The following CCL25 variants were observed in gnomAD, a reference collection of about 807,000 sequenced individuals.
CCL25 encodes the protein C-C motif chemokine ligand 25.
CCL25 carries 14 observed loss-of-function variants against 19.9 expected under a neutral mutation model. The ratio of observed to expected loss-of-function variants is 0.70; its 90% CI spans 0.47 to 1.10. The LOEUF is 1.10. CCL25 is among the 50% of genes least tolerant of loss of function. CCL25 has a pLI of 0.00. For synonymous variants in CCL25, 68 were observed against 73.2 expected (o/e 0.93, Z 0.36); for missense variants, 151 against 181.2 (o/e 0.83, Z 0.96).
At chr19:8,052,431 G>A (rs1236552734), upstream of CCL25, among the ~76,000 whole-genome samples, 1 of 151,898 alleles carries the variant, frequency 6.6e-6, no homozygotes, top group Non-Finnish European at 1.5e-5. Context: ...GCTTGAGGGC[G>A]GGGGGAGCAT....
chr19:8,060,901 C>T (rs929879763), intron 5 of CCL25, among the ~76,000 whole-genome samples: 1 of 151,082 alleles, frequency 6.6e-6, no homozygotes, highest in African/African-American at 2.4e-5. Flanking sequence ...AGGATGGTCT[C>T]GATCTCCTGA....
rs2081323539 is a variant in CCL25, at chr19:8,062,254, C to G, written c.*29C>G. On this transcript the variant is annotated 3_prime_UTR_variant, in exon 6 of 6. Transcript: ENST00000315626. ...GGCTCATTTCTGGGCTCCATCGGCA[C>G]AGGAGGGGCCGGATCTTTCTCCGAT... 1 of 1,612,348 alleles carries G rather than the reference C, an allele frequency of 6.2e-7. No homozygotes were observed. Among genetic ancestry groups the G allele is most frequent in the African/African-American group, 1.3e-5 (1 of 74,842 alleles).
At chr19:8,060,381 A>G (rs2081309436) in intron 5 of CCL25, among the ~76,000 whole-genome samples, 1 of 152,068 alleles carries the variant, frequency 6.6e-6, no homozygotes, top group South Asian at 2.1e-4. Context: ...ATAGGGATGA[A>G]TAAGCCAGAT....
rs1432044534 is a variant in CCL25 at position 8,053,026 on chromosome 19, C to G, written c.-24C>G. 6.5e-7 allele frequency: 1 copy of G among 1,538,472 alleles called. No individual in the cohort carries two copies. Among genetic ancestry groups the G allele is most frequent in the African/African-American group, 1.4e-5 (1 of 72,868 alleles). ...TGGCCCCGTTATTCGTCCAGGTGCC[C>G]AGGGAGGAGGACCCGCCTGCAGCAT... On this transcript the variant is annotated 5_prime_UTR_variant, in exon 2 of 6. Transcript: ENST00000315626.
rs562314497 is a variant in CCL25, at chr19:8,062,146, A to G, written c.446-72A>G. 4 of 1,490,484 alleles carry G rather than the reference A, an allele frequency of 2.7e-6. No homozygotes were observed. In the African/African-American group the frequency reaches 4.1e-5, roughly 15 times the overall value. 92.3% of individuals were successfully genotyped at this position (1,490,484 alleles called of 1,614,324 possible). On this transcript the variant is annotated intron_variant, in intron 5 of 5. Transcript: ENST00000315626. The stretch of plus-strand genomic sequence containing the variant: ...TAGGAGCTGTAGGGACTGGAGGTAG[A>G]GACAAATGCATATAGTTACTATTAT...
At chr19:8,053,784 G>A (rs946205851) in intron 2 of CCL25, among the ~76,000 whole-genome samples, 4 of 151,678 alleles carry the variant, frequency 2.6e-5, no homozygotes, top group Admixed American at 1.3e-4. Flanking sequence ...CCTGATCTCA[G>A]GCGATCCGCC....
At chr19:8,055,473 C>T (rs1370949693) in intron 2 of CCL25, among the ~76,000 whole-genome samples, 2 of 149,588 alleles carry the variant, frequency 1.3e-5, no homozygotes, top group East Asian at 2.0e-4. Context: ...GTAGCTGGGA[C>T]TCCAGGCGCC....
intron 5 of CCL25, among the ~76,000 whole-genome samples, chr19:8,059,318 C>T (rs2081302480): frequency 6.7e-6 from 1 of 150,004 alleles, no homozygotes; most frequent in Non-Finnish European, 1.5e-5. Flanking sequence ...TGTGCCTCAG[C>T]CACCCAAGTA....
intron 5 of CCL25, among the ~76,000 whole-genome samples, chr19:8,059,798 AG>A (rs2081305401): frequency 6.6e-6 from 1 of 152,102 alleles, no homozygotes; most frequent in African/African-American, 2.4e-5. Context: ...GGATCAATTG[AG>A]CCCAGGATGG....
chr19:8,052,585 A>G (rs2081239659), upstream of CCL25, among the ~76,000 whole-genome samples: 1 of 150,530 alleles, frequency 6.6e-6, no homozygotes, highest in South Asian at 2.1e-4. Flanking sequence ...GAGGCCTGGG[A>G]TGGGGAGTGG....
chr19:8,062,408 A>T lies in CCL25; in HGVS notation c.*183A>T, dbSNP rs538352838. The T allele has an allele frequency of 1.3e-4, 83 of 631,682 alleles. No homozygotes were observed. In the African/African-American group the frequency reaches 1.4e-3, roughly 11 times the overall value. The allele number at this position is 631,682 out of a possible 1,614,324, so 39.1% of individuals were successfully genotyped here. ...TCCTGCCCGTCTGGCAACTGGAAAG[A>T]GGGAGTTGGCCTGATTTTAAGCCTT... On this transcript the variant is annotated 3_prime_UTR_variant, in exon 6 of 6. Transcript: ENST00000315626.
intron 5 of CCL25, among the ~76,000 whole-genome samples, chr19:8,059,757 A>G (rs1042420494): frequency 1.5e-4 from 23 of 152,122 alleles, no homozygotes; most frequent in African/African-American, 5.1e-4. Context: ...TCACGCCTGT[A>G]ATCCTAGCAC....
intron 5 of CCL25, among the ~76,000 whole-genome samples, chr19:8,059,137 ATTATATAATATATAAT>A (rs1568336008): frequency 1.3e-5 from 1 of 75,878 alleles, no homozygotes; most frequent in African/African-American, 5.8e-5. Flanking sequence ...ATAAATATAT[ATTATATAATATATAAT>A]ATATATAATA....
chr19:8,056,454 A>T lies in CCL25; in HGVS notation c.280A>T (p.Asn94Tyr). Residue 94 changes from asparagine to tyrosine, a missense_variant, in exon 4 of 6, where the codon AAT (asparagine) becomes TAT (tyrosine). Transcript: ENST00000315626. ...AGCCATGAAGCTCCTGGATGCTCGA[A>T]ATAAGGTTTTTGCAAAGCTCCACCA... ...QRAMKLLDARNKVFAKLHHNT... is the reference protein window; with the variant it reads ...QRAMKLLDARYKVFAKLHHNT... 6.2e-7 allele frequency: 1 copy of T among 1,614,108 alleles called. No homozygotes were observed. Among genetic ancestry groups the T allele is most frequent in the East Asian group, 2.2e-5 (1 of 44,888 alleles).
At position 8,056,434 on chromosome 19, in the gene CCL25, T is replaced by C. The variant is rs1265479708; in HGVS notation, c.260T>C (p.Met87Thr). 13 of 1,614,052 alleles carry C rather than the reference T, an allele frequency of 8.1e-6. No individual in the cohort carries two copies. The highest frequency in any genetic ancestry group is 1.0e-5 in the Non-Finnish European group (12 of 1,180,020). Residue 87 changes from methionine to threonine, a missense_variant, in exon 4 of 6, where the codon ATG (methionine) becomes ACG (threonine). Met to Thr is a moderately conservative substitution (Grantham distance 81). Coordinates refer to ENST00000315626, the MANE Select transcript of CCL25 (RefSeq NM_005624.4). ...NPKSREVQRA[M>T]KLLDARNKVF... ...AAAAGCAGGGAGGTGCAGAGAGCCA[T>C]GAAGCTCCTGGATGCTCGAAATAAG... is the stretch of plus-strand genomic sequence containing the variant.
intron 5 of CCL25, among the ~76,000 whole-genome samples, chr19:8,061,588 C>T (rs1269753966): frequency 6.6e-6 from 1 of 152,174 alleles, no homozygotes; most frequent in African/African-American, 2.4e-5. Context: ...GACCAGCCCC[C>T]ACCCAGAAGC....
At position 8,053,289 on chromosome 19, in the gene CCL25, G is replaced by A. The variant is rs188624752; in HGVS notation, c.73+167G>A. 6.7e-4 allele frequency among the ~76,000 whole-genome samples: 102 copies of A among 152,270 alleles called. 2 individuals carry two copies. In the South Asian group the frequency reaches 0.017, roughly 26 times the overall value. ...GGTGTTTGGTTAGCTCTTGGGATGG[G>A]GTCGGGGAGATGGAGAGTCCCCAGT... On this transcript the variant is annotated intron_variant, in intron 2 of 5. Transcript: ENST00000315626.
chr19:8,052,688 G>A (rs892386603), upstream of CCL25: 1 of 229,204 alleles, frequency 4.4e-6, no homozygotes, highest in East Asian at 8.5e-5. Flanking sequence ...GGAGGAGGAA[G>A]GGAGGAGGGC....
chr19:8,054,838 G>A (rs2081257803), intron 2 of CCL25, among the ~76,000 whole-genome samples: 1 of 151,632 alleles, frequency 6.6e-6, no homozygotes, highest in Non-Finnish European at 1.5e-5. Flanking sequence ...ACAATTTTTT[G>A]TTTGTTTGGT....
Sources: gnomAD v4.1 joint callset for allele counts (sites outside exome capture counted in the v4.1 genomes callset) on GRCh38, gnomAD v4.1.1 for gene constraint, MANE v1.5 for transcripts, NCBI Gene and HGNC (gene_info 2026-07-23, HGNC 2026-07-21) for gene names.